The following PC variants were observed in gnomAD, a reference collection of about 807,000 sequenced individuals.
The protein encoded by PC is pyruvate carboxylase, also known as pyruvate carboxylase, mitochondrial.
Under a neutral mutation model 107.8 loss-of-function variants are expected in PC, and 46 were observed. That is an observed-to-expected ratio of 0.43 (90% confidence interval 0.34 to 0.55). The LOEUF (loss-of-function observed/expected upper bound fraction) is 0.55, where lower values mean the gene tolerates loss of function less well. Ranked by LOEUF, PC falls within the 20% of genes least tolerant of loss-of-function variation. The probability of loss-of-function intolerance (pLI) is 0.04; values close to 1 mark genes in which losing one functional copy is unlikely to be tolerated. For synonymous variants in PC, 662 were observed against 684.7 expected (o/e 0.97, Z 0.52); for missense variants, 1,241 against 1,643.1 (o/e 0.76, Z 4.23).
intron 3 of PC, among the ~76,000 whole-genome samples, chr11:66,938,135 G>T (rs900373144): frequency 1.3e-5 from 2 of 152,006 alleles, no homozygotes; most frequent in Non-Finnish European, 2.9e-5. Context: ...CAACATCTAG[G>T]CTGGAAAAGA....
At chr11:66,856,421 G>A (rs894330864) in intron 12 of PC, among the ~76,000 whole-genome samples, 19 of 151,936 alleles carry the variant, frequency 1.3e-4, no homozygotes, top group Admixed American at 2.0e-4. Flanking sequence ...AGGGCGGGGC[G>A]GCGGGGGCGG....
chr11:66,900,143 A>G (rs1282881474), intron 3 of PC, among the ~76,000 whole-genome samples: 2 of 148,446 alleles, frequency 1.3e-5, no homozygotes, highest in Non-Finnish European at 3.0e-5. Flanking sequence ...CTGCAGTTAA[A>G]TTCTGAAATC....
intron 12 of PC, chr11:66,860,124 G>T: frequency 6.4e-7 from 1 of 1,550,638 alleles, no homozygotes; most frequent in Non-Finnish European, 8.7e-7. Flanking sequence ...CTCTGTGCAT[G>T]GGGGGCTGCT....
intron 12 of PC, chr11:66,859,039 T>C: frequency 6.6e-7 from 1 of 1,506,456 alleles, no homozygotes; most frequent in Non-Finnish European, 8.9e-7. Flanking sequence ...GCCGACCCAG[T>C]GTGGATGTTC....
At chr11:66,889,187 A>G (rs756087096) in intron 3 of PC, among the ~76,000 whole-genome samples, 2 of 152,042 alleles carry the variant, frequency 1.3e-5, no homozygotes, top group African/African-American at 2.4e-5. Context: ...GCAGGGTTTG[A>G]GATGGGGAGG....
At position 66,852,551 on chromosome 11, in the gene PC, C is replaced by T. The variant is rs924296015; in HGVS notation, c.1713G>A (p.Arg571=). The T allele has an allele frequency of 9.9e-6, 16 of 1,613,938 alleles. No homozygotes were observed. Among genetic ancestry groups the T allele is most frequent in the Non-Finnish European group, 1.3e-5 (15 of 1,179,960 alleles). The change falls in exon 15 of 23, where the codon AGG becomes AGA. Residue 571 remains arginine (R), a synonymous_variant. Transcript: ENST00000393960. This position sits in a 1 kb window ranked among gnomAD's most constrained non-coding sequence, Gnocchi z 4.7. The part of the protein sequence containing the change: ...PGLLLMDTTF[R]DAHQSLLATR... ...TGGCCAGCAGTGACTGGTGGGCGTC[C>T]CTGAAGGTCGTGTCCATCAGCAGCA...
chr11:66,952,770 C>T (rs575050133), intron 2 of PC, among the ~76,000 whole-genome samples: 1 of 152,166 alleles, frequency 6.6e-6, no homozygotes, highest in South Asian at 2.1e-4. Flanking sequence ...CTCGAACTCC[C>T]GACCTCAGGT....
chr11:66,849,385 T>C lies in PC; in HGVS notation c.3148-15A>G. 1 of 1,611,936 alleles carries C rather than the reference T, an allele frequency of 6.2e-7. No individual in the cohort carries two copies. Among genetic ancestry groups the C allele is most frequent in the Admixed American group, 1.7e-5 (1 of 60,018 alleles). On this transcript the variant is annotated splice_polypyrimidine_tract_variant and intron_variant, in intron 21 of 22. Coordinates refer to ENST00000393960, the MANE Select transcript of PC (RefSeq NM_001040716.2). ...TCCAGCTCCACCTGCAGGGAGGGTGTGCAGACTCAGAGCTGGACGCCAAGG... is the reference window on the plus strand; with the variant it reads ...TCCAGCTCCACCTGCAGGGAGGGTGCGCAGACTCAGAGCTGGACGCCAAGG...
chr11:66,873,562 TA>T (rs1263241236), intron 3 of PC, among the ~76,000 whole-genome samples: 10 of 109,390 alleles, frequency 9.1e-5, no homozygotes, highest in Admixed American at 4.6e-4. Flanking sequence ...TAATATTATA[TA>T]ATATTATATA....
chr11:66,904,509 GCGCC>G (rs1216826464), intron 3 of PC, among the ~76,000 whole-genome samples: 2 of 152,168 alleles, frequency 1.3e-5, no homozygotes, highest in Non-Finnish European at 2.9e-5. Flanking sequence ...ATGGTGGCAT[GCGCC>G]TGTAGTCCCA....
intron 3 of PC, 38 bp from the exon 4 acceptor site, chr11:66,872,197 CAGCA>C: frequency 6.4e-7 from 1 of 1,561,180 alleles, no homozygotes; most frequent in Non-Finnish European, 8.7e-7. Flanking sequence ...AGCGCAGCCT[CAGCA>C]CTGAGGCTCC....
intron 3 of PC, among the ~76,000 whole-genome samples, chr11:66,879,139 A>G (rs1244463984): frequency 1.3e-5 from 2 of 152,050 alleles, no homozygotes; most frequent in East Asian, 3.9e-4. Flanking sequence ...GAAGGCCCAC[A>G]CACTTGCGCC....
chr11:66,950,555 T>TA (rs1168856943), intron 3 of PC, among the ~76,000 whole-genome samples: 14 of 151,696 alleles, frequency 9.2e-5, no homozygotes, highest in African/African-American at 3.4e-4. Context: ...GAGGGGAGGG[T>TA]GACAAGCTTA....
At chr11:66,854,849 C>G (rs1183542365) in intron 12 of PC, among the ~76,000 whole-genome samples, 1 of 152,220 alleles carries the variant, frequency 6.6e-6, no homozygotes, top group Non-Finnish European at 1.5e-5. Flanking sequence ...CTGTCTGCCC[C>G]TGAGCCTCGC....
intron 3 of PC, among the ~76,000 whole-genome samples, chr11:66,883,021 G>T (rs553795647): frequency 3.5e-4 from 54 of 152,212 alleles, no homozygotes; most frequent in Non-Finnish European, 7.3e-4. Flanking sequence ...CACAGCACGG[G>T]TGCTCGCCGA....
intron 3 of PC, among the ~76,000 whole-genome samples, chr11:66,895,686 C>CAAAGAGATGGAAAATAGGTGAA (rs1947733765): frequency 6.6e-6 from 1 of 151,648 alleles, no homozygotes; most frequent in African/African-American, 2.4e-5. Flanking sequence ...AGAAAAGAGA[C>CAAAGAGATGGAAAATAGGTGAA]AAAGAGATGG....
chr11:66,896,967 T>C (rs569375923), intron 3 of PC, among the ~76,000 whole-genome samples: 5 of 152,278 alleles, frequency 3.3e-5, no homozygotes, highest in African/African-American at 1.2e-4. Context: ...GTCTCACTCT[T>C]GTCGCCCAGG....
At position 66,870,553 on chromosome 11, in the gene PC, G is replaced by T; in HGVS notation, c.752-100C>A. The T allele has an allele frequency of 7.2e-7, 1 of 1,387,256 alleles. No individual in the cohort carries two copies. The highest frequency in any genetic ancestry group is 1.0e-6 in the Non-Finnish European group (1 of 995,224). 85.9% of individuals were successfully genotyped at this position (1,387,256 alleles called of 1,614,324 possible). On this transcript the variant is annotated intron_variant, in intron 8 of 22. Transcript: ENST00000393960. The surrounding 1 kb of genome is among the most constrained non-coding windows in gnomAD (Gnocchi z 6.1). ...TAACCACTGTCGCCAGTCAGTGCCG[G>T]CTGCCAGCGGTACAGAGGCTGCCAG...
Position 66,852,328 on chromosome 11 carries a change from G to T in PC, c.1825+111C>A. 3.2e-6 allele frequency: 3 copies of T among 934,448 alleles called. No homozygotes were observed. Among genetic ancestry groups the T allele is most frequent in the Non-Finnish European group, 5.2e-6 (3 of 577,542 alleles). 57.9% of individuals were successfully genotyped at this position (934,448 alleles called of 1,614,324 possible). A position where few individuals can be genotyped will look rare whatever the true frequency, so the allele number is the denominator to read the frequency against. ...GTGCCTTCTTCGGTCCTTCCTCTTT[G>T]GTGTTCTTCGTGTCAGCGTCTCTAG... On this transcript the variant is annotated intron_variant, in intron 15 of 22. Coordinates refer to ENST00000393960, the MANE Select transcript of PC (RefSeq NM_001040716.2). The surrounding 1 kb of genome is among the most constrained non-coding windows in gnomAD (Gnocchi z 4.7).
Sources: allele counts gnomAD v4.1 joint callset (sites outside exome capture counted in the v4.1 genomes callset), GRCh38; gene constraint gnomAD v4.1.1; non-coding constraint Gnocchi (gnomAD v3.1); transcripts MANE v1.5; gene names NCBI Gene and HGNC (gene_info 2026-07-23, HGNC 2026-07-21).